The following RIMS4 variants were observed in gnomAD, a reference collection of about 807,000 sequenced individuals.
RIMS4 encodes the protein regulating synaptic membrane exocytosis 4.
In RIMS4, 9 loss-of-function variants were observed where a neutral mutation model predicts 29.0. The observed-to-expected ratio is 0.31, with a 90% CI of 0.19 to 0.54. RIMS4 has a LOEUF of 0.54. Among genes scored for constraint, RIMS4 ranks in the 20% least tolerant of loss-of-function variants. RIMS4 has a pLI of 0.94. For synonymous variants in RIMS4, 130 were observed against 152.9 expected (o/e 0.85, Z 1.10); for missense variants, 193 against 365.7 (o/e 0.53, Z 3.85).
Position 44,762,315 on chromosome 20 carries a change from C to T in RIMS4, c.237-4131G>A, listed in dbSNP as rs1331890616. On this transcript the variant is annotated intron_variant, in intron 2 of 5. Transcript: ENST00000372851. ...GCCCCTGGGGTTGGGGACCCCTGACCTCTTTCACACTGGTGACATGGCCTT... is the reference window on the plus strand; with the variant it reads ...GCCCCTGGGGTTGGGGACCCCTGACTTCTTTCACACTGGTGACATGGCCTT... 2.0e-5 allele frequency among the ~76,000 whole-genome samples: 3 copies of T among 152,164 alleles called. 1 individual carries two copies. The highest frequency in any genetic ancestry group is 7.2e-5 in the African/African-American group (3 of 41,438).
intron 2 of RIMS4, among the ~76,000 whole-genome samples, chr20:44,769,089 G>A (rs1456930227): frequency 6.6e-6 from 1 of 152,176 alleles, no homozygotes; most frequent in Non-Finnish European, 1.5e-5. Context: ...AAGCTGAAAT[G>A]AACCACATAC....
In RIMS4 at chr20:44,767,425, G is replaced by C. The variant is rs190104347; in HGVS notation, c.236+3850C>G. Reference sequence around the variant, plus strand: ...CTGATCAGGCAGAAACAGGCTCAAGGAAAGAAAGCCCTTCCCCAGCCCCAG... The same window carrying C: ...CTGATCAGGCAGAAACAGGCTCAAGCAAAGAAAGCCCTTCCCCAGCCCCAG... On this transcript the variant is annotated intron_variant, in intron 2 of 5. Transcript: ENST00000372851. 4.3e-4 allele frequency among the ~76,000 whole-genome samples: 66 copies of C among 152,296 alleles called. 1 individual carries two copies. The highest frequency in any genetic ancestry group is 2.9e-3 in the East Asian group (15 of 5,184).
intron 4 of RIMS4, among the ~76,000 whole-genome samples, 161 bp from the exon 5 acceptor site, chr20:44,757,198 G>T (rs1016152160): frequency 6.6e-6 from 1 of 151,956 alleles, no homozygotes; most frequent in African/African-American, 2.4e-5. Context: ...GCATTTGGGG[G>T]CAGCAGGTAC....
intron 2 of RIMS4, among the ~76,000 whole-genome samples, chr20:44,766,182 C>A (rs2066112912): frequency 6.6e-6 from 1 of 152,162 alleles, no homozygotes; most frequent in South Asian, 2.1e-4. Context: ...ACAGACATTG[C>A]TAATCAACCT....
At position 44,810,278 on chromosome 20, in the gene RIMS4, G is replaced by T; in HGVS notation, c.-7C>A. The T allele has an allele frequency of 8.7e-7, 1 of 1,154,198 alleles. No individual in the cohort carries two copies. Among genetic ancestry groups the T allele is most frequent in the Non-Finnish European group, 1.1e-6 (1 of 920,656 alleles). 71.5% of individuals were successfully genotyped at this position (1,154,198 alleles called of 1,614,324 possible). ...GGCTCTGCGAGCGCTCCATGCCCGC[G>T]CCGGCGCCGGGCGCCTCGGCCGCGG... On this transcript the variant is annotated 5_prime_UTR_variant, in exon 1 of 6. Transcript: ENST00000372851.
At chr20:44,779,964 A>T (rs146203173) in intron 1 of RIMS4, among the ~76,000 whole-genome samples, 73 of 152,348 alleles carry the variant, frequency 4.8e-4, no homozygotes, top group African/African-American at 1.6e-3. Context: ...TATCTGGCTC[A>T]CATTTATATT....
intron 2 of RIMS4, among the ~76,000 whole-genome samples, chr20:44,760,559 T>C (rs1396129043): frequency 2.0e-5 from 3 of 152,098 alleles, no homozygotes; most frequent in Non-Finnish European, 2.9e-5. Context: ...ACCAGGATGA[T>C]GGATGATGAT....
intron 1 of RIMS4, among the ~76,000 whole-genome samples, chr20:44,797,462 C>T (rs976490437): frequency 6.6e-6 from 1 of 152,248 alleles, no homozygotes; most frequent in African/African-American, 2.4e-5. Context: ...TTGGGTTAAC[C>T]TGCCTGATAA....
chr20:44,801,834 T>A (rs898020584), intron 1 of RIMS4, among the ~76,000 whole-genome samples: 1 of 152,310 alleles, frequency 6.6e-6, no homozygotes, highest in East Asian at 1.9e-4. Context: ...TACCCAGGAC[T>A]GAATTTGGTA....
At chr20:44,792,533 C>T (rs1381986890) in intron 1 of RIMS4, among the ~76,000 whole-genome samples, 2 of 152,052 alleles carry the variant, frequency 1.3e-5, no homozygotes, top group Admixed American at 1.3e-4. Context: ...CTTAGGAGAT[C>T]CACCCACCTC....
At chr20:44,764,174 C>T (rs140824758) in intron 2 of RIMS4, among the ~76,000 whole-genome samples, 6 of 133,422 alleles carry the variant, frequency 4.5e-5, no homozygotes, top group South Asian at 2.5e-4. Flanking sequence ...ATCCATCCAT[C>T]CATCCATCCA....
intron 1 of RIMS4, among the ~76,000 whole-genome samples, chr20:44,772,568 C>T (rs2066141785): frequency 3.3e-5 from 5 of 152,178 alleles, no homozygotes; most frequent in African/African-American, 1.2e-4. Flanking sequence ...CTTGTCCACG[C>T]CCATAGAGCT....
chr20:44,802,354 T>G (rs531839147), intron 1 of RIMS4, among the ~76,000 whole-genome samples: 3 of 152,346 alleles, frequency 2.0e-5, no homozygotes, highest in African/African-American at 7.2e-5. Flanking sequence ...TGCCCCATTT[T>G]ACAGATGCGG....
intron 2 of RIMS4, among the ~76,000 whole-genome samples, chr20:44,760,226 G>A (rs1374116389): frequency 1.3e-5 from 2 of 152,198 alleles, no homozygotes; most frequent in African/African-American, 4.8e-5. Context: ...GTGAGTGCTG[G>A]GGGATGACAG....
intron 2 of RIMS4, among the ~76,000 whole-genome samples, chr20:44,764,259 C>CCATCCATCCATCCATCCATTT (rs1555859478): frequency 6.6e-6 from 1 of 152,002 alleles, no homozygotes; most frequent in African/African-American, 2.4e-5. Context: ...TCCATCCTCC[C>CCATCCATCCATCCATCCATTT]ACAAACTCAC....
At chr20:44,762,068 T>C (rs1023907179) in intron 2 of RIMS4, among the ~76,000 whole-genome samples, 4 of 152,162 alleles carry the variant, frequency 2.6e-5, no homozygotes, top group Non-Finnish European at 5.9e-5. Context: ...ATGAAACTGC[T>C]CCACCTCAGA....
intron 2 of RIMS4, among the ~76,000 whole-genome samples, chr20:44,763,607 C>T (rs1479708838): frequency 6.6e-6 from 1 of 152,238 alleles, no homozygotes; most frequent in Non-Finnish European, 1.5e-5. Context: ...AGGATTACAA[C>T]CCATGTTCTG....
At chr20:44,773,475 C>T (rs1016512569) in intron 1 of RIMS4, among the ~76,000 whole-genome samples, 5 of 152,064 alleles carry the variant, frequency 3.3e-5, no homozygotes, top group Admixed American at 1.3e-4. Context: ...CCCTGTCAGA[C>T]GTGCAGGAAC....
At chr20:44,804,815 G>C (rs548387830) in intron 1 of RIMS4, among the ~76,000 whole-genome samples, 1 of 152,314 alleles carries the variant, frequency 6.6e-6, no homozygotes, top group East Asian at 1.9e-4. Flanking sequence ...TGCAAACCGA[G>C]GAAGCTGGAG....
Sources: allele counts gnomAD v4.1 joint callset (sites outside exome capture counted in the v4.1 genomes callset), GRCh38; gene constraint gnomAD v4.1.1; transcripts MANE v1.5; gene names NCBI Gene and HGNC (gene_info 2026-07-23, HGNC 2026-07-21).